The following SLC2A9 variants were observed in gnomAD, a reference collection of about 807,000 sequenced individuals.
The protein encoded by SLC2A9 is solute carrier family 2, facilitated glucose transporter member 9.
SLC2A9 carries 39 observed loss-of-function variants against 50.6 expected under a neutral mutation model. The ratio of observed to expected loss-of-function variants is 0.77; its 90% CI spans 0.60 to 1.01. The LOEUF is 1.01. Ranked by LOEUF, SLC2A9 falls within the 50% of genes least tolerant of loss-of-function variation. The pLI, the probability that SLC2A9 is intolerant of heterozygous loss-of-function variation, is 0.00. For synonymous variants in SLC2A9, 324 were observed against 276.9 expected, an observed-to-expected ratio of 1.17 and a Z score of -1.69; for missense variants, 686 against 677.6, an observed-to-expected ratio of 1.01 and a Z score of -0.14.
intron 2 of SLC2A9, among the ~76,000 whole-genome samples, chr4:10,005,889 G>A (rs1459626903): frequency 6.6e-6 from 1 of 152,136 alleles, no homozygotes; most frequent in African/African-American, 2.4e-5. Context: ...CCTTGAGTAA[G>A]TTACTTAACC....
chr4:9,963,867 C>A (rs1042415058), intron 5 of SLC2A9, among the ~76,000 whole-genome samples: 3 of 152,208 alleles, frequency 2.0e-5, no homozygotes, highest in African/African-American at 7.2e-5. Flanking sequence ...CCACCTGCTT[C>A]AAGATTCAGA....
At chr4:9,793,712 A>AT (rs1720250867) in intron 3 of SLC2A9, among the ~76,000 whole-genome samples, 1 of 152,124 alleles carries the variant, frequency 6.6e-6, no homozygotes, top group South Asian at 2.1e-4. Context: ...CATGAAAGAG[A>AT]TTTTTCTGTG....
At chr4:9,865,062 T>C (rs1416160513) in intron 10 of SLC2A9, among the ~76,000 whole-genome samples, 1 of 152,228 alleles carries the variant, frequency 6.6e-6, no homozygotes, top group Non-Finnish European at 1.5e-5. Context: ...AAATCACACA[T>C]TAAGAAGGAG....
At chr4:9,853,856 C>T (rs913428894) in intron 10 of SLC2A9, among the ~76,000 whole-genome samples, 3 of 152,142 alleles carry the variant, frequency 2.0e-5, no homozygotes, top group African/African-American at 7.2e-5. Context: ...GAAAACCATA[C>T]AATTACATGA....
intron 11 of SLC2A9, among the ~76,000 whole-genome samples, chr4:9,830,753 A>G (rs1725995461): frequency 6.6e-6 from 1 of 152,220 alleles, no homozygotes; most frequent in Non-Finnish European, 1.5e-5. Context: ...TCCACACTGG[A>G]GAGTGTTTTT....
At chr4:9,913,578 C>A (rs1249140099) in intron 7 of SLC2A9, among the ~76,000 whole-genome samples, 1 of 152,186 alleles carries the variant, frequency 6.6e-6, no homozygotes, top group Non-Finnish European at 1.5e-5. Flanking sequence ...TTTCCTGTTT[C>A]CATTTGGGGA....
At chr4:9,898,696 G>T (rs1406462988) in intron 8 of SLC2A9, among the ~76,000 whole-genome samples, 1 of 152,160 alleles carries the variant, frequency 6.6e-6, no homozygotes, top group Non-Finnish European at 1.5e-5. Context: ...TGCCTGGCTT[G>T]ATGCTTCTGG....
In SLC2A9 at chr4:9,968,537, C is replaced by T. The variant is rs143530991; in HGVS notation, c.681+12055G>A. On this transcript the variant is annotated intron_variant, in intron 5 of 11. Coordinates refer to ENST00000264784, the MANE Select transcript of SLC2A9 (RefSeq NM_020041.3). Reference sequence around the variant, plus strand: ...CAGTATAACTTGATTCTGTACTTAGCTTTTCTTCATGTGTCTACATTGTTC... The same window carrying T: ...CAGTATAACTTGATTCTGTACTTAGTTTTTCTTCATGTGTCTACATTGTTC... 4.2e-3 allele frequency among the ~76,000 whole-genome samples: 636 copies of T among 152,278 alleles called. 3 individuals are homozygous for T. The highest frequency in any genetic ancestry group is 7.5e-3 in the Non-Finnish European group (509 of 67,994).
At chr4:10,000,653 T>C (rs1313605750) in intron 2 of SLC2A9, among the ~76,000 whole-genome samples, 1 of 152,212 alleles carries the variant, frequency 6.6e-6, no homozygotes, top group African/African-American at 2.4e-5. Flanking sequence ...AGAGTAAGCT[T>C]GGCCTCTCAT....
intron 6 of SLC2A9, among the ~76,000 whole-genome samples, chr4:9,929,567 G>C (rs556602870): frequency 1.3e-5 from 2 of 152,208 alleles, no homozygotes; most frequent in African/African-American, 4.8e-5. Context: ...GCTTAAGGTG[G>C]GCAAACATTG....
intron 5 of SLC2A9, among the ~76,000 whole-genome samples, chr4:9,970,932 G>A (rs1432564205): frequency 6.6e-6 from 1 of 152,082 alleles, no homozygotes; most frequent in African/African-American, 2.4e-5. Context: ...GAAGGACATT[G>A]TGAAACCTCC....
At chr4:9,872,110 G>A (rs1324239882) in intron 10 of SLC2A9, among the ~76,000 whole-genome samples, 1 of 152,198 alleles carries the variant, frequency 6.6e-6, no homozygotes, top group Non-Finnish European at 1.5e-5. Context: ...GTTCTGAAGT[G>A]CAGCCATGTA....
At chr4:9,997,856 A>C (rs1759002416) in intron 2 of SLC2A9, among the ~76,000 whole-genome samples, 1 of 152,222 alleles carries the variant, frequency 6.6e-6, no homozygotes, top group Non-Finnish European at 1.5e-5. Context: ...CAGAAATGAA[A>C]AGACAACCCA....
intron 6 of SLC2A9, among the ~76,000 whole-genome samples, chr4:9,935,796 AG>A (rs1212441271): frequency 6.6e-6 from 1 of 152,176 alleles, no homozygotes; most frequent in Non-Finnish European, 1.5e-5. Context: ...GATGGGTCCC[AG>A]GACCTCACGC....
intron 10 of SLC2A9, among the ~76,000 whole-genome samples, chr4:9,870,920 GA>G (rs1195945204): frequency 1.3e-5 from 2 of 152,144 alleles, no homozygotes; most frequent in Non-Finnish European, 2.9e-5. Flanking sequence ...AACTTAGGAA[GA>G]TTTTTTTGGG....
At chr4:9,841,677 T>C (rs1728104482) in intron 10 of SLC2A9, among the ~76,000 whole-genome samples, 1 of 152,156 alleles carries the variant, frequency 6.6e-6, no homozygotes, top group Non-Finnish European at 1.5e-5. Flanking sequence ...CAGCCCTTTA[T>C]GGAGGATCTG....
chr4:9,909,900 C>T (rs776074503), intron 7 of SLC2A9, among the ~76,000 whole-genome samples: 3 of 152,214 alleles, frequency 2.0e-5, no homozygotes, highest in East Asian at 1.9e-4. Flanking sequence ...TCAGGTCCAA[C>T]GTTAGCTGGC....
intron 3 of SLC2A9, among the ~76,000 whole-genome samples, chr4:9,995,436 C>T (rs4547795): frequency 0.23 from 35,206 of 152,016 alleles, 4,677 homozygotes; most frequent in African/African-American, 0.35. Context: ...TTTGAAACAT[C>T]GTCAACTCTA....
downstream of SLC2A9, among the ~76,000 whole-genome samples, chr4:9,796,951 G>A (rs1224568704): frequency 3.3e-5 from 5 of 152,138 alleles, no homozygotes; most frequent in Admixed American, 3.3e-4. Flanking sequence ...TCAGTGGGGT[G>A]GGGAAGTACA....
Sources: gnomAD v4.1 joint callset for allele counts (sites outside exome capture counted in the v4.1 genomes callset) on GRCh38, gnomAD v4.1.1 for gene constraint, MANE v1.5 for transcripts, NCBI Gene and HGNC (gene_info 2026-07-23, HGNC 2026-07-21) for gene names.